PAPPA2: variants seen among roughly 807,000 people sequenced by gnomAD.
The protein encoded by PAPPA2 is pappalysin-2.
Under a neutral mutation model 176.4 loss-of-function variants are expected in PAPPA2, and 86 were observed. The observed-to-expected ratio is 0.49, with a 90% CI of 0.41 to 0.58. The LOEUF is 0.58. Among genes scored for constraint, PAPPA2 ranks in the 20% least tolerant of loss-of-function variants. The probability of loss-of-function intolerance (pLI) is 0.00; values close to 1 mark genes in which losing one functional copy is unlikely to be tolerated. For synonymous variants in PAPPA2, 809 were observed against 852.2 expected (o/e 0.95, Z 0.88); for missense variants, 2,073 against 2,256.9 (o/e 0.92, Z 1.65).
chr1:176,770,179 T>C (rs192544278), intron 16 of PAPPA2, among the ~76,000 whole-genome samples: 1 of 152,278 alleles, frequency 6.6e-6, no homozygotes, highest in Non-Finnish European at 1.5e-5. Flanking sequence ...TTAGTGCTGG[T>C]TAGAGATGAA....
intron 1 of PAPPA2, among the ~76,000 whole-genome samples, chr1:176,486,454 C>T (rs1211394941): frequency 6.6e-6 from 1 of 152,148 alleles, no homozygotes; most frequent in East Asian, 1.9e-4. Context: ...GACATCTCTA[C>T]AGTGCACTGT....
chr1:176,505,562 G>A (rs1027977009), intron 1 of PAPPA2, among the ~76,000 whole-genome samples: 1 of 152,140 alleles, frequency 6.6e-6, no homozygotes, highest in Admixed American at 6.5e-5. Flanking sequence ...GGGCAGAATT[G>A]CTGAGTTGCA....
intron 3 of PAPPA2, among the ~76,000 whole-genome samples, chr1:176,667,332 A>T (rs1320615018): frequency 6.6e-6 from 1 of 152,098 alleles, no homozygotes; most frequent in Admixed American, 6.5e-5. Flanking sequence ...CGATGATAAG[A>T]GGTGGAGTAA....
intron 3 of PAPPA2, among the ~76,000 whole-genome samples, chr1:176,644,467 G>A (rs1032521391): frequency 7.9e-5 from 12 of 151,728 alleles, no homozygotes; most frequent in African/African-American, 1.9e-4. Flanking sequence ...AAGGAGTTAC[G>A]TATGGATAAA....
intron 9 of PAPPA2, among the ~76,000 whole-genome samples, chr1:176,704,449 GC>G (rs906486800): frequency 3.9e-5 from 6 of 152,072 alleles, no homozygotes; most frequent in Non-Finnish European, 7.4e-5. Flanking sequence ...ACGATGCAGG[GC>G]CCTGAAATTA....
At chr1:176,674,298 T>A (rs1182948982) in intron 4 of PAPPA2, among the ~76,000 whole-genome samples, 1 of 152,058 alleles carries the variant, frequency 6.6e-6, no homozygotes, top group South Asian at 2.1e-4. Context: ...GGGGAACAGG[T>A]GGTGTTTGGT....
chr1:176,505,012 C>T (rs1648177673), intron 1 of PAPPA2, among the ~76,000 whole-genome samples: 1 of 152,072 alleles, frequency 6.6e-6, no homozygotes, highest in Non-Finnish European at 1.5e-5. Flanking sequence ...GCCCATCCTA[C>T]CTAATACAGG....
rs534044778 is a variant in PAPPA2 at position 176,749,429 on chromosome 1, G to A, written c.4151+9233G>A. The stretch of plus-strand genomic sequence containing the variant: ...GAGTGGTACATTTGTTACAACTGAT[G>A]AACCTACGTTGACACATCATAATCA... On this transcript the variant is annotated intron_variant, in intron 14 of 22. Coordinates refer to ENST00000367662, the MANE Select transcript of PAPPA2 (RefSeq NM_020318.3). Among the ~76,000 whole-genome samples, 3 of 152,288 alleles carry A rather than the reference G, an allele frequency of 2.0e-5. No homozygotes were observed. The South Asian group carries it at 6.2e-4, about 32-fold the overall frequency.
intron 3 of PAPPA2, among the ~76,000 whole-genome samples, chr1:176,645,018 T>C (rs1188500575): frequency 6.6e-6 from 1 of 151,892 alleles, no homozygotes; most frequent in African/African-American, 2.4e-5. Flanking sequence ...TTAAATATAT[T>C]CATATAATTT....
Position 176,765,714 on chromosome 1 carries a change from G to A in PAPPA2, c.4200G>A (p.Leu1400=). 2 of 1,614,060 alleles carry A rather than the reference G, an allele frequency of 1.2e-6. No individual in the cohort carries two copies. The highest frequency in any genetic ancestry group is 1.7e-6 in the Non-Finnish European group (2 of 1,180,020). The change falls in exon 15 of 23, where the codon CTG becomes CTA. Residue 1400 remains leucine, a synonymous_variant. Coordinates refer to ENST00000367662, the MANE Select transcript of PAPPA2 (RefSeq NM_020318.3). ...CGKQDSCPSL[L]LDHADVVNCT... is the part of the protein sequence containing the mutation. ...AGCAGGACAGCTGTCCGTCATTGCT[G>A]CTTGATCATGCTGATGTGGTGAACT... is the stretch of plus-strand genomic sequence containing the variant.
intron 1 of PAPPA2, among the ~76,000 whole-genome samples, chr1:176,479,476 C>G (rs1292242092): frequency 6.6e-6 from 1 of 152,066 alleles, no homozygotes; most frequent in Non-Finnish European, 1.5e-5. Context: ...GGCAAGCATC[C>G]CTAGGAAATT....
chr1:176,653,996 A>T (rs1657892204), intron 3 of PAPPA2, among the ~76,000 whole-genome samples: 2 of 151,676 alleles, frequency 1.3e-5, no homozygotes, highest in African/African-American at 4.8e-5. Context: ...TTAAAAATTT[A>T]CTATTCCTGT....
At chr1:176,718,687 A>T (rs1558540255) in intron 12 of PAPPA2, among the ~76,000 whole-genome samples, 4 of 148,768 alleles carry the variant, frequency 2.7e-5, no homozygotes, top group African/African-American at 4.9e-5. Context: ...ACATATGTGG[A>T]TTTGGGGTAA....
At chr1:176,544,680 A>G (rs1444015950) in intron 1 of PAPPA2, among the ~76,000 whole-genome samples, 1 of 152,116 alleles carries the variant, frequency 6.6e-6, no homozygotes, top group African/African-American at 2.4e-5. Flanking sequence ...AGATCCCACA[A>G]GTTAAGGGCT....
intron 1 of PAPPA2, among the ~76,000 whole-genome samples, chr1:176,536,915 T>G (rs1054677129): frequency 1.3e-5 from 2 of 152,202 alleles, no homozygotes; most frequent in African/African-American, 4.8e-5. Flanking sequence ...TTATCTCATT[T>G]AATCAGTTCA....
chr1:176,680,754 A>C (rs988072833), intron 4 of PAPPA2, among the ~76,000 whole-genome samples: 13 of 152,228 alleles, frequency 8.5e-5, no homozygotes, highest in Non-Finnish European at 1.5e-4. Context: ...TACTTGGGAA[A>C]TGTGTATTTT....
chr1:176,573,374 A>G (rs549367281), intron 2 of PAPPA2, among the ~76,000 whole-genome samples: 1 of 152,226 alleles, frequency 6.6e-6, no homozygotes, highest in East Asian at 1.9e-4. Context: ...CTGACATCTC[A>G]CATTCTAGAT....
chr1:176,793,797 C>A, intron 20 of PAPPA2, 128 bp downstream of exon 20: 2 of 630,382 alleles, frequency 3.2e-6, no homozygotes, highest in South Asian at 4.8e-5. Context: ...ATGGATTATT[C>A]CTAGAAAGAA....
chr1:176,691,888 G>A (rs1272140319), intron 5 of PAPPA2, among the ~76,000 whole-genome samples: 3 of 152,146 alleles, frequency 2.0e-5, no homozygotes, highest in Non-Finnish European at 4.4e-5. Context: ...CCAACTTTAA[G>A]GTCATGACCT....
Sources: allele counts gnomAD v4.1 joint callset (sites outside exome capture counted in the v4.1 genomes callset), GRCh38; gene constraint gnomAD v4.1.1; transcripts MANE v1.5; gene names NCBI Gene and HGNC (gene_info 2026-07-23, HGNC 2026-07-21).